Variants in MSRB3 observed in about 807,000 individuals in gnomAD.
The protein encoded by MSRB3 is methionine sulfoxide reductase B3, also known as methionine-R-sulfoxide reductase B3.
A neutral mutation model predicts 21.0 loss-of-function variants in MSRB3; 13 were observed. The ratio of observed to expected loss-of-function variants is 0.62; its 90% CI spans 0.40 to 0.98. MSRB3 has a LOEUF of 0.98. Among genes scored for constraint, MSRB3 ranks in the 50% least tolerant of loss-of-function variants. The pLI, the probability that MSRB3 is intolerant of heterozygous loss-of-function variation, is 0.00. For synonymous variants in MSRB3, 87 were observed against 88.6 expected (o/e 0.98, Z 0.10); for missense variants, 199 against 230.3 (o/e 0.86, Z 0.88).
rs144489670 is a variant in MSRB3 at position 65,381,417 on chromosome 12, T to C, written c.292+12391T>C. On this transcript the variant is annotated intron_variant, in intron 5 of 6. Coordinates refer to ENST00000308259, the MANE Select transcript of MSRB3 (RefSeq NM_001031679.3). The stretch of plus-strand genomic sequence containing the variant: ...TGCTCATTCCTGGGCAGAAATAAGC[T>C]ACATTCAACTGCAATGTGTAGAAAA... 8.6e-3 allele frequency among the ~76,000 whole-genome samples: 1,311 copies of C among 152,258 alleles called. 20 individuals are homozygous for C. Among genetic ancestry groups the C allele is most frequent in the African/African-American group, 0.03 (1,240 of 41,546 alleles).
At chr12:65,339,155 G>A (rs530040647) in intron 4 of MSRB3, among the ~76,000 whole-genome samples, 2 of 152,300 alleles carry the variant, frequency 1.3e-5, no homozygotes, top group South Asian at 4.1e-4. Flanking sequence ...CATACTAACA[G>A]AAAGGTGTTT....
chr12:65,346,647 C>G (rs1259390668), intron 4 of MSRB3, among the ~76,000 whole-genome samples: 1 of 151,876 alleles, frequency 6.6e-6, no homozygotes, highest in Non-Finnish European at 1.5e-5. Context: ...GTTTTAGACA[C>G]GAAGTCCTTG....
At chr12:65,330,755 G>A (rs1875360192) in intron 4 of MSRB3, among the ~76,000 whole-genome samples, 1 of 152,144 alleles carries the variant, frequency 6.6e-6, no homozygotes, top group Non-Finnish European at 1.5e-5. Flanking sequence ...TTAAAAAAGT[G>A]TTGGTAAAAA....
chr12:65,299,107 A>G (rs116683304), intron 1 of MSRB3, among the ~76,000 whole-genome samples: 188 of 152,310 alleles, frequency 1.2e-3, no homozygotes, highest in African/African-American at 4.2e-3. Flanking sequence ...CTCTGAAGTC[A>G]TGTTTTAAAA....
chr12:65,447,329 A>C (rs1332348395), intron 5 of MSRB3, among the ~76,000 whole-genome samples: 3 of 152,224 alleles, frequency 2.0e-5, no homozygotes, highest in Non-Finnish European at 4.4e-5. Flanking sequence ...AAGAGCTTGA[A>C]ATTTAAAAAT....
chr12:65,320,964 C>T (rs1052207988), intron 2 of MSRB3, among the ~76,000 whole-genome samples: 2 of 152,124 alleles, frequency 1.3e-5, no homozygotes, highest in East Asian at 1.9e-4. Flanking sequence ...GCCATGTGTT[C>T]GGAAAGCTCT....
chr12:65,323,147 G>A (rs1195238897), intron 2 of MSRB3, among the ~76,000 whole-genome samples: 4 of 152,140 alleles, frequency 2.6e-5, no homozygotes, highest in African/African-American at 4.8e-5. Flanking sequence ...AGATCTTTGA[G>A]GGTGGCAACA....
At chr12:65,443,574 A>G (rs1307685951) in intron 5 of MSRB3, among the ~76,000 whole-genome samples, 1 of 152,110 alleles carries the variant, frequency 6.6e-6, no homozygotes, top group African/African-American at 2.4e-5. Context: ...AATTTACTTC[A>G]CTGAGTTCTG....
intron 5 of MSRB3, among the ~76,000 whole-genome samples, chr12:65,370,393 A>G (rs1878252294): frequency 6.6e-6 from 1 of 152,314 alleles, no homozygotes; most frequent in East Asian, 1.9e-4. Flanking sequence ...CCAAATATTA[A>G]TTAAGAACCC....
intron 5 of MSRB3, among the ~76,000 whole-genome samples, chr12:65,448,596 A>C (rs554547679): frequency 6.6e-6 from 1 of 152,340 alleles, no homozygotes; most frequent in Non-Finnish European, 1.5e-5. Flanking sequence ...TTCCATATGT[A>C]TATCTGTGCT....
intron 5 of MSRB3, among the ~76,000 whole-genome samples, chr12:65,429,022 TCTTGTTTTACC>T (rs1257408439): frequency 6.6e-6 from 1 of 152,174 alleles, no homozygotes; most frequent in Admixed American, 6.6e-5. Context: ...TATGGTTGCC[TCTTGTTTTACC>T]CTTGGCCTCT....
intron 1 of MSRB3, among the ~76,000 whole-genome samples, chr12:65,288,792 T>G (rs927253902): frequency 2.0e-5 from 3 of 152,154 alleles, no homozygotes; most frequent in African/African-American, 7.2e-5. Context: ...CTCTTAAGGT[T>G]GGTTAATCTG....
chr12:65,429,407 T>C (rs147181734), intron 5 of MSRB3, among the ~76,000 whole-genome samples: 36 of 152,268 alleles, frequency 2.4e-4, no homozygotes, highest in African/African-American at 8.2e-4. Context: ...TTTGATATGT[T>C]ACGGCAACCA....
chr12:65,309,839 C>T (rs557060422), intron 2 of MSRB3, among the ~76,000 whole-genome samples: 1 of 152,202 alleles, frequency 6.6e-6, no homozygotes, highest in South Asian at 2.1e-4. Flanking sequence ...CAGAGAAATA[C>T]AGTTATTCAT....
intron 4 of MSRB3, among the ~76,000 whole-genome samples, chr12:65,342,728 G>C (rs1381880614): frequency 3.9e-5 from 6 of 151,954 alleles, no homozygotes; most frequent in South Asian, 4.1e-4. Context: ...GTCCAAAATA[G>C]GAGTCTATGT....
chr12:65,414,113 C>G (rs1161903893), intron 5 of MSRB3, among the ~76,000 whole-genome samples: 3 of 152,120 alleles, frequency 2.0e-5, no homozygotes, highest in Non-Finnish European at 4.4e-5. Context: ...TTGGATTTTA[C>G]TCTGAGTAAA....
At chr12:65,437,301 T>C (rs746784603) in intron 5 of MSRB3, among the ~76,000 whole-genome samples, 2 of 151,892 alleles carry the variant, frequency 1.3e-5, no homozygotes, top group African/African-American at 2.4e-5. Context: ...CTAAGTGTAC[T>C]CAGCCTTCTT....
intron 4 of MSRB3, among the ~76,000 whole-genome samples, chr12:65,348,778 T>C (rs1258781447): frequency 1.3e-5 from 2 of 152,228 alleles, no homozygotes; most frequent in African/African-American, 4.8e-5. Flanking sequence ...GAGATTCTGG[T>C]ATGTTGTGTC....
intron 5 of MSRB3, among the ~76,000 whole-genome samples, chr12:65,376,306 A>C (rs1878618157): frequency 6.6e-6 from 1 of 152,070 alleles, no homozygotes; most frequent in Non-Finnish European, 1.5e-5. Flanking sequence ...TTTTTAGTAG[A>C]GACGGGGTTT....
Sources: allele counts gnomAD v4.1 joint callset (sites outside exome capture counted in the v4.1 genomes callset), GRCh38; gene constraint gnomAD v4.1.1; transcripts MANE v1.5; gene names NCBI Gene and HGNC (gene_info 2026-07-23, HGNC 2026-07-21).